SPTA1: variants seen among roughly 807,000 people sequenced by gnomAD.
SPTA1 encodes the protein spectrin alpha chain, erythrocytic 1.
In SPTA1, 177 loss-of-function variants were observed where a neutral mutation model predicts 324.7. The ratio of observed to expected loss-of-function variants is 0.55; its 90% CI spans 0.48 to 0.62. SPTA1 has a LOEUF of 0.62. Ranked by LOEUF, SPTA1 falls within the 20% of genes least tolerant of loss-of-function variation. The pLI, the probability that SPTA1 is intolerant of heterozygous loss-of-function variation, is 0.00. For synonymous variants in SPTA1, 1,195 were observed against 1,041.3 expected (o/e 1.15, Z -2.84); for missense variants, 3,162 against 2,883.6 (o/e 1.10, Z -2.21).
chr1:158,635,817 A>G, intron 38 of SPTA1, 96 bp downstream of exon 38: 1 of 1,574,642 alleles, frequency 6.4e-7, no homozygotes, highest in East Asian at 2.2e-5. Flanking sequence ...AGTTGGGGAT[A>G]GCAGACAATG....
intron 39 of SPTA1, among the ~76,000 whole-genome samples, chr1:158,629,010 A>G (rs529503342): frequency 2.0e-5 from 3 of 152,022 alleles, no homozygotes; most frequent in Non-Finnish European, 4.4e-5. Context: ...AATAATTAAT[A>G]CCAATTATTC....
chr1:158,685,998 C>A (rs547012068), intron 1 of SPTA1, among the ~76,000 whole-genome samples: 18 of 152,284 alleles, frequency 1.2e-4, no homozygotes, highest in Non-Finnish European at 1.8e-4. Flanking sequence ...ATATAAGTAT[C>A]CTTTTCCCAG....
chr1:158,661,471 AC>A, intron 17 of SPTA1, 62 bp from the exon 18 acceptor site: 1 of 1,609,792 alleles, frequency 6.2e-7, no homozygotes, highest in Admixed American at 1.7e-5. Context: ...AGCATACCTC[AC>A]TTTTTTAGAA....
At chr1:158,648,846 A>G (rs543216783) in intron 25 of SPTA1, among the ~76,000 whole-genome samples, 193 bp from the exon 26 acceptor site, 1 of 150,806 alleles carries the variant, frequency 6.6e-6, no homozygotes, top group African/African-American at 2.4e-5. Flanking sequence ...TCCAAGAAGC[A>G]TAGTTACTAT....
Position 158,659,591 on chromosome 1 carries a change from C to CATT in SPTA1, c.2587+1693_2587+1695dup, listed in dbSNP as rs1204584586. On this transcript the variant is annotated intron_variant, in intron 18 of 51. Coordinates refer to ENST00000643759, the MANE Select transcript of SPTA1 (RefSeq NM_003126.4). ...CTGTAAAAGAAAATAATAGTCTTAGCATTATTTTTTTTTTTTTTTTTTTTT... is the reference window on the plus strand; with the variant it reads ...CTGTAAAAGAAAATAATAGTCTTAGCATTATTATTTTTTTTTTTTTTTTTTTTT... Among the ~76,000 whole-genome samples the CATT allele has an allele frequency of 2.0e-5, 2 of 101,244 alleles. 1 individual carries two copies. Among genetic ancestry groups the CATT allele is most frequent in the Non-Finnish European group, 4.4e-5 (2 of 45,326 alleles). 66.4% of individuals were successfully genotyped at this position (101,244 alleles called of 152,430 possible).
At position 158,645,382 on chromosome 1, in the gene SPTA1, G is replaced by A. The variant is rs1557952046; in HGVS notation, c.4000C>T (p.His1334Tyr). 1.9e-6 allele frequency: 3 copies of A among 1,613,858 alleles called. No homozygotes were observed. Among genetic ancestry groups the A allele is most frequent in the Non-Finnish European group, 2.5e-6 (3 of 1,179,944 alleles). ...IEILLERHQE[H>Y]RADMEAEAPT... ...GCCTCTGCCTCCATGTCAGCACGGT[G>A]CTCCTGTGGGAAAAAGGGGGAAGAA... Residue 1334 changes from histidine (H) to tyrosine (Y), a missense_variant, in exon 29 of 52, where the codon CAC becomes TAC. Coordinates refer to ENST00000643759, the MANE Select transcript of SPTA1 (RefSeq NM_003126.4).
At chr1:158,648,837 C>A (rs1652201955) in intron 25 of SPTA1, among the ~76,000 whole-genome samples, 184 bp from the exon 26 acceptor site, 1 of 138,260 alleles carries the variant, frequency 7.2e-6, no homozygotes, top group South Asian at 2.3e-4. Context: ...CTTCACAACT[C>A]CAAGAAGCAT....
intron 38 of SPTA1, among the ~76,000 whole-genome samples, chr1:158,635,557 T>G (rs965106354): frequency 6.6e-6 from 1 of 152,194 alleles, no homozygotes; most frequent in Non-Finnish European, 1.5e-5. Context: ...AAAATAATTC[T>G]TCGTCCTTAC....
At chr1:158,676,038 G>T in intron 8 of SPTA1, 103 bp downstream of exon 8, 1 of 1,509,088 alleles carries the variant, frequency 6.6e-7, no homozygotes, top group South Asian at 1.1e-5. Flanking sequence ...CAGGAGAGCT[G>T]ATTCTCTCGC....
At position 158,669,709 on chromosome 1, in the gene SPTA1, C is replaced by A. The variant is rs763904188; in HGVS notation, c.1677G>T (p.Gly559=). The change falls in exon 13 of 52, where the codon GGG becomes GGT. Residue 559 remains glycine, a splice_region_variant and synonymous_variant. Transcript: ENST00000643759. The part of the protein sequence containing the change: ...DSENIKAIRD[G]LLARRDALRE... ...AGAAGCTCTAGGCCCTTGGACATAC[C>A]CCGTCACGGATAGCCTTGATGTTCT... is the stretch of plus-strand genomic sequence containing the variant. The A allele has an allele frequency of 3.1e-6, 5 of 1,614,034 alleles. No homozygotes were observed. The highest frequency in any genetic ancestry group is 4.2e-6 in the Non-Finnish European group (5 of 1,179,972).
chr1:158,669,288 T>C, intron 14 of SPTA1, 120 bp downstream of exon 14: 1 of 1,362,504 alleles, frequency 7.3e-7, no homozygotes, highest in Non-Finnish European at 1.0e-6. Flanking sequence ...GAGCCTCTGT[T>C]TTGTCATCTA....
At chr1:158,623,489 T>C (rs1337949188) in intron 42 of SPTA1, among the ~76,000 whole-genome samples, 1 of 152,174 alleles carries the variant, frequency 6.6e-6, no homozygotes, top group African/African-American at 2.4e-5. Flanking sequence ...CCATGTGTCA[T>C]GGGAGGGAGC....
chr1:158,674,865 C>A (rs1370581928), intron 8 of SPTA1, among the ~76,000 whole-genome samples, 190 bp from the exon 9 acceptor site: 2 of 151,988 alleles, frequency 1.3e-5, no homozygotes, highest in Non-Finnish European at 2.9e-5. Flanking sequence ...AGTCCTTCAC[C>A]CCAGGTTTTA....
Position 158,653,353 on chromosome 1 carries a change from C to T in SPTA1, c.3109G>A (p.Asp1037Asn), listed in dbSNP as rs201519091. The T allele has an allele frequency of 1.5e-5, 25 of 1,614,006 alleles. No homozygotes were observed. Among genetic ancestry groups the T allele is most frequent in the African/African-American group, 4.0e-5 (3 of 74,890 alleles). ...PAVYVRRLAH[D>N]EFPMLPQRRR... ...CGCTGTGGGAGCATCGGGAACTCAT[C>T]GTGGGCCAGTCTTCTGACATAGACA... Residue 1037 changes from aspartate (D) to asparagine (N), a missense_variant, in exon 22 of 52, where the codon GAT becomes AAT. Coordinates refer to ENST00000643759, the MANE Select transcript of SPTA1 (RefSeq NM_003126.4).
At chr1:158,643,560 C>A (rs1651774666) in intron 30 of SPTA1, 135 bp from the exon 31 acceptor site, 4 of 859,834 alleles carry the variant, frequency 4.7e-6, no homozygotes, top group Non-Finnish European at 7.5e-6. Context: ...ATAATATATG[C>A]CTTACAGGGA....
In SPTA1 at chr1:158,627,661, T is replaced by C. The variant is rs1356739457; in HGVS notation, c.5628A>G (p.Gln1876=). The change falls in exon 40 of 52, where the codon CAA becomes CAG. Residue 1876 remains glutamine, a synonymous_variant. Transcript: ENST00000643759. ...TGTCTTCTCCTTGTGCACACACATT[T>C]TGTACTCGGGTCTCATGGACAGCAA... ...NDFAVHETRV[Q]NVCAQGEDIL... is the part of the protein sequence containing the mutation. 1 of 1,613,452 alleles carries C rather than the reference T, an allele frequency of 6.2e-7. No individual in the cohort carries two copies. Among genetic ancestry groups the C allele is most frequent in the Admixed American group, 1.7e-5 (1 of 59,992 alleles).
At chr1:158,632,584 A>G (rs1650758645) in intron 39 of SPTA1, among the ~76,000 whole-genome samples, 1 of 152,222 alleles carries the variant, frequency 6.6e-6, no homozygotes, top group South Asian at 2.1e-4. Flanking sequence ...CATTAAGGAA[A>G]TGCACATATG....
intron 44 of SPTA1, 43 bp downstream of exon 44, chr1:158,620,127 G>A (rs138768814): frequency 5.1e-4 from 823 of 1,607,450 alleles, no homozygotes; most frequent in Admixed American, 9.3e-4. Flanking sequence ...AAGTGGTTAT[G>A]TTCACTGTAG....
chr1:158,650,073 C>T, intron 24 of SPTA1, 126 bp from the exon 25 acceptor site: 1 of 751,576 alleles, frequency 1.3e-6, no homozygotes, highest in South Asian at 1.6e-5. Context: ...AATTGCATAG[C>T]TTTGCTTCTT....
Sources: gnomAD v4.1 joint callset for allele counts (sites outside exome capture counted in the v4.1 genomes callset) on GRCh38, gnomAD v4.1.1 for gene constraint, MANE v1.5 for transcripts, NCBI Gene and HGNC (gene_info 2026-07-23, HGNC 2026-07-21) for gene names.